The following KCNQ5 variants were observed in gnomAD, a reference collection of about 807,000 sequenced individuals.
KCNQ5 encodes the protein potassium voltage-gated channel subfamily KQT member 5.
In KCNQ5, 30 loss-of-function variants were observed where a neutral mutation model predicts 98.2. The observed-to-expected ratio is 0.31, with a 90% confidence interval of 0.23 to 0.41. KCNQ5 has a LOEUF of 0.41. Ranked by LOEUF, KCNQ5 falls within the 10% of genes least tolerant of loss-of-function variation. KCNQ5 has a pLI of 1.00. For synonymous variants in KCNQ5, 458 were observed against 449.4 expected (o/e 1.02, Z -0.24); for missense variants, 835 against 1,182.5 (o/e 0.71, Z 4.31).
chr6:72,798,182 T>A (rs539972217), intron 1 of KCNQ5, among the ~76,000 whole-genome samples: 11 of 152,348 alleles, frequency 7.2e-5, no homozygotes, highest in South Asian at 2.1e-4. Flanking sequence ...ATTAGTAACA[T>A]GTGCTTGAAA....
At chr6:72,800,088 A>G (rs1228761006) in intron 1 of KCNQ5, among the ~76,000 whole-genome samples, 3 of 152,184 alleles carry the variant, frequency 2.0e-5, no homozygotes, top group Admixed American at 6.6e-5. Context: ...ACTAATAATT[A>G]TAAGAGAAAG....
At chr6:73,090,701 G>T (rs1774209472) in intron 5 of KCNQ5, among the ~76,000 whole-genome samples, 1 of 152,090 alleles carries the variant, frequency 6.6e-6, no homozygotes, top group Admixed American at 6.6e-5. Flanking sequence ...CATTTATACA[G>T]CCAACAAAAT....
chr6:72,757,972 G>A (rs1267649188), intron 1 of KCNQ5, among the ~76,000 whole-genome samples: 1 of 151,986 alleles, frequency 6.6e-6, no homozygotes, highest in Non-Finnish European at 1.5e-5. Flanking sequence ...TTCAGTGGCT[G>A]CAGTAGCATA....
chr6:72,710,761 C>T (rs541625355), intron 1 of KCNQ5, among the ~76,000 whole-genome samples: 5 of 152,260 alleles, frequency 3.3e-5, no homozygotes, highest in Admixed American at 2.6e-4. Context: ...TCAATACCCC[C>T]ACTTTTAACA....
chr6:72,696,365 T>C (rs1238941541), intron 1 of KCNQ5, among the ~76,000 whole-genome samples: 1 of 152,156 alleles, frequency 6.6e-6, no homozygotes, highest in Non-Finnish European at 1.5e-5. Flanking sequence ...AAAATACGGG[T>C]GTGAAAAAAT....
intron 1 of KCNQ5, among the ~76,000 whole-genome samples, chr6:72,641,565 CAT>C (rs991438829): frequency 6.6e-6 from 1 of 151,970 alleles, no homozygotes; most frequent in African/African-American, 2.4e-5. Flanking sequence ...AGAGGTAAGG[CAT>C]ATCTTCAGCT....
At chr6:72,734,164 G>A (rs1044325032) in intron 1 of KCNQ5, among the ~76,000 whole-genome samples, 7 of 152,192 alleles carry the variant, frequency 4.6e-5, no homozygotes, top group Non-Finnish European at 7.3e-5. Flanking sequence ...GAAGCGAGCT[G>A]TAACTTTGAT....
At chr6:72,984,620 G>T (rs1768659003) in intron 1 of KCNQ5, among the ~76,000 whole-genome samples, 1 of 152,180 alleles carries the variant, frequency 6.6e-6, no homozygotes, top group Non-Finnish European at 1.5e-5. Flanking sequence ...GTCTGTCACG[G>T]CTTCCCTTGG....
At chr6:73,059,677 TCTG>T (rs1772692138) in intron 3 of KCNQ5, among the ~76,000 whole-genome samples, 1 of 152,156 alleles carries the variant, frequency 6.6e-6, no homozygotes, top group African/African-American at 2.4e-5. Context: ...AAATCATGTT[TCTG>T]CTTTTTCTGT....
At chr6:72,884,026 T>C (rs776248972) in intron 1 of KCNQ5, among the ~76,000 whole-genome samples, 3 of 152,246 alleles carry the variant, frequency 2.0e-5, no homozygotes, top group Non-Finnish European at 4.4e-5. Flanking sequence ...TATATGATAG[T>C]CTTCTTTAGT....
At chr6:73,191,582 T>C (rs1765590302) in intron 12 of KCNQ5, among the ~76,000 whole-genome samples, 1 of 152,174 alleles carries the variant, frequency 6.6e-6, no homozygotes, top group African/African-American at 2.4e-5. Context: ...CTTTTTTTTA[T>C]GCCCCCCAGC....
At chr6:72,978,821 TC>T (rs1414969271) in intron 1 of KCNQ5, among the ~76,000 whole-genome samples, 3 of 152,138 alleles carry the variant, frequency 2.0e-5, no homozygotes, top group Admixed American at 6.5e-5. Context: ...ATGCTATCCC[TC>T]CCCCATCCCC....
intron 1 of KCNQ5, among the ~76,000 whole-genome samples, chr6:72,627,695 C>A (rs897656180): frequency 6.6e-6 from 1 of 152,106 alleles, no homozygotes; most frequent in African/African-American, 2.4e-5. Context: ...TCACACAAGA[C>A]CCTCAGGGCA....
intron 11 of KCNQ5, among the ~76,000 whole-genome samples, chr6:73,173,151 G>A (rs1778075017): frequency 6.6e-6 from 1 of 152,024 alleles, no homozygotes; most frequent in South Asian, 2.1e-4. Flanking sequence ...AGAAAACTTA[G>A]TTTTGTATAT....
intron 10 of KCNQ5, among the ~76,000 whole-genome samples, chr6:73,154,549 G>C (rs1777278290): frequency 6.6e-6 from 1 of 152,014 alleles, no homozygotes; most frequent in African/African-American, 2.4e-5. Flanking sequence ...GTGAGAGAGA[G>C]AGAGAGATCC....
chr6:72,774,455 A>G (rs1253539405), intron 1 of KCNQ5, among the ~76,000 whole-genome samples: 2 of 152,182 alleles, frequency 1.3e-5, no homozygotes, highest in Non-Finnish European at 2.9e-5. Flanking sequence ...AAGGGTAGAA[A>G]CCAAAAAATA....
chr6:73,129,799 C>A, intron 9 of KCNQ5: 1 of 1,612,596 alleles, frequency 6.2e-7, no homozygotes. Context: ...CTAGTAAGTT[C>A]TGTAGTAATA....
intron 11 of KCNQ5, among the ~76,000 whole-genome samples, chr6:73,172,147 T>G (rs140228547): frequency 4.6e-5 from 7 of 152,336 alleles, no homozygotes; most frequent in African/African-American, 1.7e-4. Context: ...TCTATCTTTT[T>G]GTGGATTCTT....
intron 1 of KCNQ5, among the ~76,000 whole-genome samples, chr6:72,929,190 G>T (rs1194247120): frequency 6.6e-6 from 1 of 152,062 alleles, no homozygotes; most frequent in Non-Finnish European, 1.5e-5. Flanking sequence ...GTAAAATGTG[G>T]TACTGAAACT....
Sources: allele counts gnomAD v4.1 joint callset (sites outside exome capture counted in the v4.1 genomes callset), GRCh38; gene constraint gnomAD v4.1.1; transcripts MANE v1.5; gene names NCBI Gene and HGNC (gene_info 2026-07-23, HGNC 2026-07-21).